Variants in PAK1 observed in about 807,000 individuals in gnomAD.
PAK1 encodes p21 (RAC1) activated kinase 1.
Under a neutral mutation model 67.4 loss-of-function variants are expected in PAK1, and 29 were observed. That is an observed-to-expected ratio of 0.43 (90% CI 0.32 to 0.59). PAK1 has a LOEUF of 0.59. PAK1 is among the 20% of genes least tolerant of loss of function. The pLI is 0.07. For missense variants in PAK1, 337 were observed against 670.7 expected, an observed-to-expected ratio of 0.50 and a Z score of 5.50; for synonymous variants, 223 against 237.4, an observed-to-expected ratio of 0.94 and a Z score of 0.56.
At chr11:77,381,842 T>G (rs1949878092) in intron 2 of PAK1, among the ~76,000 whole-genome samples, 1 of 152,218 alleles carries the variant, frequency 6.6e-6, no homozygotes, top group South Asian at 2.1e-4. Context: ...ACATGCCAAG[T>G]GCTAGGGTTT....
At chr11:77,519,793 T>TA in the PAK1 span, among the ~76,000 whole-genome samples, 1 of 152,200 alleles carries the variant, frequency 6.6e-6, no homozygotes, top group South Asian at 2.1e-4. Context: ...GTTCAGCTAA[T>TA]ACCAGGTTCT....
chr11:77,398,752 T>C (rs945959606), intron 1 of PAK1, among the ~76,000 whole-genome samples: 2 of 152,200 alleles, frequency 1.3e-5, no homozygotes, highest in African/African-American at 2.4e-5. Flanking sequence ...TTTGTTTGTT[T>C]GTTTGTTTAA....
At chr11:77,325,887 A>G (rs1281166776) in intron 14 of PAK1, among the ~76,000 whole-genome samples, 1 of 152,220 alleles carries the variant, frequency 6.6e-6, no homozygotes, top group Non-Finnish European at 1.5e-5. Context: ...TTCAATAAAT[A>G]TATTTTGAGT....
At chr11:77,413,338 G>GA (rs1226354596) in intron 1 of PAK1, among the ~76,000 whole-genome samples, 2 of 152,288 alleles carry the variant, frequency 1.3e-5, no homozygotes, top group African/African-American at 4.8e-5. Flanking sequence ...CATATTGTAA[G>GA]ATAATGTAAA....
At chr11:77,466,601 T>A (rs1419684015) in intron 1 of PAK1, among the ~76,000 whole-genome samples, 2 of 146,490 alleles carry the variant, frequency 1.4e-5, no homozygotes, top group Middle Eastern at 3.4e-3. Context: ...AGACTCCATC[T>A]CAAAAAAAAA....
At chr11:77,493,950 A>G in the PAK1 span, among the ~76,000 whole-genome samples, 1 of 152,238 alleles carries the variant, frequency 6.6e-6, no homozygotes, top group African/African-American at 2.4e-5. Context: ...TCACTCAACA[A>G]ACACTCAAAA....
the PAK1 span, among the ~76,000 whole-genome samples, chr11:77,513,855 C>A: frequency 6.6e-6 from 1 of 152,088 alleles, no homozygotes; most frequent in Non-Finnish European, 1.5e-5. Context: ...TCTATATTCC[C>A]ACCTACTTAT....
At chr11:77,331,777 A>C (rs1030736221) in intron 14 of PAK1, among the ~76,000 whole-genome samples, 1 of 15,370 alleles carries the variant, frequency 6.5e-5, no homozygotes, top group Admixed American at 3.1e-4. Flanking sequence ...CTAAAACTTA[A>C]AAGTATAATA....
chr11:77,492,180 C>A, the PAK1 span, among the ~76,000 whole-genome samples: 1 of 151,958 alleles, frequency 6.6e-6, no homozygotes, highest in Admixed American at 6.6e-5. Context: ...TCAAAGAGCT[C>A]AAAAGCTAGC....
the PAK1 span, among the ~76,000 whole-genome samples, chr11:77,495,335 G>C: frequency 7.3e-5 from 11 of 151,720 alleles, no homozygotes. Context: ...TTAGCCAGGC[G>C]CGGTGGTGCA....
At chr11:77,455,302 GA>G (rs35896629) in intron 1 of PAK1, among the ~76,000 whole-genome samples, 101,183 of 145,880 alleles carry the variant, frequency 0.69, 35,147 homozygotes, top group African/African-American at 0.82. Context: ...TACAGAGGTT[GA>G]AAAAAAAAAA....
chr11:77,343,079 A>G (rs1216554394), intron 10 of PAK1, among the ~76,000 whole-genome samples: 3 of 152,124 alleles, frequency 2.0e-5, no homozygotes, highest in Non-Finnish European at 2.9e-5. Flanking sequence ...CTACCTCACA[A>G]TGAGATACTG....
In PAK1 at chr11:77,446,527, A is replaced by G. The variant is rs868679984; in HGVS notation, c.-22+27025T>C. Among the ~76,000 whole-genome samples the G allele has an allele frequency of 2.0e-5, 3 of 151,330 alleles. No individual in the cohort carries two copies. In the South Asian group the frequency reaches 6.2e-4, roughly 31 times the overall value. On this transcript the variant is annotated intron_variant, in intron 1 of 14. Transcript: ENST00000356341. ...ACCCTGTCTCAAAAAAAAAAAAAAA[A>G]AAAAAAAGAAAGTTCAGACCCAAGG...
intron 1 of PAK1, among the ~76,000 whole-genome samples, chr11:77,462,280 G>A (rs985908245): frequency 3.3e-4 from 50 of 151,658 alleles, no homozygotes; most frequent in African/African-American, 8.5e-4. Context: ...GCAGTGAGCC[G>A]AGATTGCTCC....
At chr11:77,345,834 A>G (rs1440256626) in intron 9 of PAK1, among the ~76,000 whole-genome samples, 1 of 152,186 alleles carries the variant, frequency 6.6e-6, no homozygotes, top group Non-Finnish European at 1.5e-5. Flanking sequence ...GAGCCAGAAG[A>G]ATGTCTTTTG....
chr11:77,422,564 A>AG (rs969779786), intron 1 of PAK1, among the ~76,000 whole-genome samples: 5 of 151,928 alleles, frequency 3.3e-5, no homozygotes, highest in African/African-American at 1.2e-4. Flanking sequence ...CAAAAAAAAA[A>AG]AAAAGTCACT....
intron 2 of PAK1, among the ~76,000 whole-genome samples, chr11:77,386,309 T>G (rs909552803): frequency 6.6e-6 from 1 of 152,244 alleles, no homozygotes; most frequent in Non-Finnish European, 1.5e-5. Flanking sequence ...CTTGGAGAGA[T>G]AAACACTGAC....
chr11:77,367,815 AATATAC>A (rs1442463281), intron 5 of PAK1, among the ~76,000 whole-genome samples: 4 of 152,114 alleles, frequency 2.6e-5, no homozygotes, highest in Admixed American at 6.5e-5. Flanking sequence ...CGTCTCTACT[AATATAC>A]AAAAAAAAAT....
chr11:77,398,028 T>C (rs1002691370), intron 1 of PAK1, among the ~76,000 whole-genome samples: 3 of 152,236 alleles, frequency 2.0e-5, no homozygotes. Context: ...ACATGAGATA[T>C]TGTGGACACA....
Sources: allele counts gnomAD v4.1 joint callset (sites outside exome capture counted in the v4.1 genomes callset), GRCh38; gene constraint gnomAD v4.1.1; transcripts MANE v1.5; gene names NCBI Gene and HGNC (gene_info 2026-07-23, HGNC 2026-07-21).